DPP10: variants seen among roughly 807,000 people sequenced by gnomAD.
The protein encoded by DPP10 is inactive dipeptidyl peptidase 10.
DPP10 carries 33 observed loss-of-function variants against 120.9 expected under a neutral mutation model. That is an observed-to-expected ratio of 0.27 (90% CI 0.21 to 0.37). The LOEUF is 0.37. Among genes scored for constraint, DPP10 ranks in the 10% least tolerant of loss-of-function variants. DPP10 has a pLI of 1.00. For synonymous variants in DPP10, 337 were observed against 326.1 expected, an observed-to-expected ratio of 1.03 and a Z score of -0.36; for missense variants, 816 against 942.8, an observed-to-expected ratio of 0.87 and a Z score of 1.76.
At chr2:114,770,224 G>T (rs1394571327) in intron 1 of DPP10, among the ~76,000 whole-genome samples, 1 of 152,164 alleles carries the variant, frequency 6.6e-6, no homozygotes, top group African/African-American at 2.4e-5. Context: ...GAGCCCGGAA[G>T]AGGGATCAGG....
At chr2:114,827,939 A>T (rs992820896) in intron 1 of DPP10, among the ~76,000 whole-genome samples, 1 of 152,216 alleles carries the variant, frequency 6.6e-6, no homozygotes, top group African/African-American at 2.4e-5. Flanking sequence ...TTTTTACAAT[A>T]ACAGAAAGCA....
At chr2:115,519,215 G>A (rs906051503) in intron 4 of DPP10, among the ~76,000 whole-genome samples, 2 of 151,974 alleles carry the variant, frequency 1.3e-5, no homozygotes, top group African/African-American at 4.8e-5. Flanking sequence ...AAATGTTTTA[G>A]TGTATGGCCT....
chr2:115,113,184 C>CA (rs5833578), intron 1 of DPP10, among the ~76,000 whole-genome samples: 151,743 of 151,754 alleles, frequency 1, 75,866 homozygotes, highest in Middle Eastern at 1. Context: ...ATAACACATA[C>CA]AATATATGCT....
chr2:114,606,005 A>G (rs543369805), intron 1 of DPP10, among the ~76,000 whole-genome samples: 2 of 152,240 alleles, frequency 1.3e-5, no homozygotes, highest in African/African-American at 2.4e-5. Flanking sequence ...TAACTTGTTC[A>G]TATTTCATTC....
At chr2:115,661,963 G>C (rs912864249) in intron 5 of DPP10, among the ~76,000 whole-genome samples, 1 of 152,094 alleles carries the variant, frequency 6.6e-6, no homozygotes, top group Non-Finnish European at 1.5e-5. Flanking sequence ...TAGGTCTCTA[G>C]AACTTACCCA....
intron 1 of DPP10, among the ~76,000 whole-genome samples, chr2:114,564,579 A>G (rs1689057351): frequency 6.6e-6 from 1 of 152,192 alleles, no homozygotes; most frequent in South Asian, 2.1e-4. Context: ...TCAACCACTG[A>G]GGGAAAAGGT....
intron 1 of DPP10, among the ~76,000 whole-genome samples, chr2:115,072,710 A>G (rs964824900): frequency 9.9e-5 from 15 of 152,226 alleles, no homozygotes; most frequent in Admixed American, 4.6e-4. Flanking sequence ...AAAATTTTCT[A>G]TTTATCCTGT....
At chr2:115,102,981 TC>T (rs1348650220) in intron 1 of DPP10, among the ~76,000 whole-genome samples, 2 of 152,166 alleles carry the variant, frequency 1.3e-5, no homozygotes, top group Non-Finnish European at 2.9e-5. Context: ...AATTGTAGAA[TC>T]TTCCTATAGT....
intron 1 of DPP10, among the ~76,000 whole-genome samples, chr2:115,302,162 G>A (rs891912552): frequency 2.0e-5 from 3 of 151,814 alleles, no homozygotes; most frequent in East Asian, 3.9e-4. Flanking sequence ...AAACCATCAC[G>A]TCTTGTGAGA....
chr2:115,646,217 C>T (rs1286924720), intron 5 of DPP10, among the ~76,000 whole-genome samples: 1 of 152,064 alleles, frequency 6.6e-6, no homozygotes, highest in Middle Eastern at 3.2e-3. Context: ...CTGCACTGGC[C>T]CTGCTTCTAC....
intron 1 of DPP10, among the ~76,000 whole-genome samples, chr2:114,963,937 A>G (rs1698827989): frequency 2.0e-5 from 3 of 152,212 alleles, no homozygotes; most frequent in African/African-American, 7.2e-5. Flanking sequence ...GAGAAGATGA[A>G]AGATTTTATA....
chr2:114,503,153 T>C (rs1168843653), intron 1 of DPP10, among the ~76,000 whole-genome samples: 2 of 152,224 alleles, frequency 1.3e-5, no homozygotes, highest in African/African-American at 4.8e-5. Flanking sequence ...ACCAATAGCA[T>C]GGGGCTTCAT....
chr2:114,486,874 A>G (rs1681565866), intron 1 of DPP10, among the ~76,000 whole-genome samples: 1 of 152,198 alleles, frequency 6.6e-6, no homozygotes, highest in Non-Finnish European at 1.5e-5. Context: ...GGTTTAACAT[A>G]ACCAATCAAC....
chr2:114,934,543 T>C (rs888414021), intron 1 of DPP10, among the ~76,000 whole-genome samples: 9 of 152,092 alleles, frequency 5.9e-5, no homozygotes, highest in East Asian at 3.9e-4. Context: ...GTCTCAAGGA[T>C]GGCAGAGGCA....
chr2:114,799,538 AT>A (rs1351777204), intron 1 of DPP10, among the ~76,000 whole-genome samples: 2 of 152,190 alleles, frequency 1.3e-5, no homozygotes, highest in Non-Finnish European at 2.9e-5. Context: ...TTGTGTTTAA[AT>A]TTTAGGCTGG....
intron 1 of DPP10, among the ~76,000 whole-genome samples, chr2:114,500,863 G>T (rs115261882): frequency 3.9e-5 from 6 of 152,252 alleles, no homozygotes; most frequent in East Asian, 1.9e-4. Flanking sequence ...CGTCTGGTGC[G>T]TGGGGTTCTC....
chr2:114,663,668 T>TATAGAGAGAGAG lies in DPP10; in HGVS notation c.60+220831_60+220832insTAGAGAGAGAGA. Among the ~76,000 whole-genome samples, 663 of 80,586 alleles carry TATAGAGAGAGAG rather than the reference T, an allele frequency of 8.2e-3. 1 individual carries two copies. The highest frequency in any genetic ancestry group is 0.011 in the Non-Finnish European group (537 of 50,218). 52.9% of individuals were successfully genotyped at this position (80,586 alleles called of 152,430 possible). ...ATATATATATATATATATATATATATAGAGAGAGAGAGAGAGAGAGAGAGA... is the reference window on the plus strand; with the variant it reads ...ATATATATATATATATATATATATATATAGAGAGAGAGAGAGAGAGAGAGAGAGAGAGAGAGA... On this transcript the variant is annotated intron_variant, in intron 1 of 25. Transcript: ENST00000410059.
chr2:114,571,631 T>G (rs1401554777), intron 1 of DPP10, among the ~76,000 whole-genome samples: 1 of 152,050 alleles, frequency 6.6e-6, no homozygotes, highest in African/African-American at 2.4e-5. Flanking sequence ...AGGGTACGTC[T>G]CTACAGAAAA....
intron 19 of DPP10, among the ~76,000 whole-genome samples, chr2:115,795,667 C>T (rs1317633359): frequency 6.6e-6 from 1 of 152,108 alleles, no homozygotes; most frequent in Non-Finnish European, 1.5e-5. Flanking sequence ...TTTCAAACAG[C>T]ATGATATAAG....
Sources: allele counts gnomAD v4.1 joint callset (sites outside exome capture counted in the v4.1 genomes callset), GRCh38; gene constraint gnomAD v4.1.1; transcripts MANE v1.5; gene names NCBI Gene and HGNC (gene_info 2026-07-23, HGNC 2026-07-21).